TRPS1: variants seen among roughly 807,000 people sequenced by gnomAD.
TRPS1 encodes transcriptional repressor GATA binding 1, also known as zinc finger transcription factor Trps1.
In TRPS1, 6 loss-of-function variants were observed where a neutral mutation model predicts 101.2. The ratio of observed to expected loss-of-function variants is 0.06; its 90% CI spans 0.03 to 0.12. The LOEUF (loss-of-function observed/expected upper bound fraction) is 0.12, where lower values mean the gene tolerates loss of function less well. TRPS1 is among the 10% of genes least tolerant of loss of function. The probability of loss-of-function intolerance (pLI) is 1.00; values close to 1 mark genes in which losing one functional copy is unlikely to be tolerated. For synonymous variants in TRPS1, 578 were observed against 589.8 expected, an observed-to-expected ratio of 0.98 and a Z score of 0.29; for missense variants, 1,363 against 1,567.0, an observed-to-expected ratio of 0.87 and a Z score of 2.20.
chr8:115,658,099 C>T (rs1811715096), intron 1 of TRPS1, among the ~76,000 whole-genome samples: 1 of 152,098 alleles, frequency 6.6e-6, no homozygotes, highest in African/African-American at 2.4e-5. Flanking sequence ...TGCTTGGTCT[C>T]AGCATAATTT....
intron 5 of TRPS1, among the ~76,000 whole-genome samples, chr8:115,529,344 C>G (rs1379565978): frequency 1.3e-5 from 2 of 151,910 alleles, no homozygotes; most frequent in East Asian, 1.9e-4. Context: ...AGAAGCCGAT[C>G]TGAGTCAAAT....
At chr8:115,447,291 C>T (rs1197795766) in intron 5 of TRPS1, among the ~76,000 whole-genome samples, 1 of 152,154 alleles carries the variant, frequency 6.6e-6, no homozygotes, top group Non-Finnish European at 1.5e-5. Context: ...CGGAGTTGCT[C>T]AAATTTGCTA....
intron 4 of TRPS1, among the ~76,000 whole-genome samples, chr8:115,602,713 G>A (rs1395877127): frequency 1.3e-5 from 2 of 152,154 alleles, no homozygotes; most frequent in African/African-American, 4.8e-5. Context: ...ATGGGATGTA[G>A]AAATTGAATA....
intron 4 of TRPS1, among the ~76,000 whole-genome samples, chr8:115,593,321 G>A (rs1445905944): frequency 6.6e-6 from 1 of 152,114 alleles, no homozygotes; most frequent in Admixed American, 6.5e-5. Flanking sequence ...ATTGCCCGCA[G>A]CAATAACACA....
At chr8:115,574,719 T>C (rs1001307511) in intron 5 of TRPS1, among the ~76,000 whole-genome samples, 3 of 144,586 alleles carry the variant, frequency 2.1e-5, no homozygotes, top group African/African-American at 7.9e-5. Context: ...TATTAAGAAA[T>C]GTTTTGAAGG....
intron 1 of TRPS1, among the ~76,000 whole-genome samples, chr8:115,625,478 G>C (rs145579653): frequency 5.3e-5 from 8 of 151,894 alleles, no homozygotes; most frequent in East Asian, 3.9e-4. Flanking sequence ...AACCACCGGC[G>C]CCAAGGGTGG....
rs765104815 is a variant in TRPS1 at position 115,603,977 on chromosome 8, C to T, written c.1992G>A (p.Leu664=). The change falls in exon 4 of 7, where the codon CTG becomes CTA. Residue 664 remains leucine (L), a synonymous_variant. Coordinates refer to ENST00000395715, the MANE Select transcript of TRPS1 (RefSeq NM_014112.5). ...ASDVKQEANH[L]QGSDGQQSVK... ...CAGACTGCTGCCCATCCGATCCTTG[C>T]AGGTGATTTGCTTCTTGTTTGACAT... The T allele has an allele frequency of 6.2e-7, 1 of 1,613,970 alleles. No individual in the cohort carries two copies. Among genetic ancestry groups the T allele is most frequent in the Non-Finnish European group, 8.5e-7 (1 of 1,179,976 alleles).
chr8:115,540,757 G>A (rs1224127382), intron 5 of TRPS1, among the ~76,000 whole-genome samples: 2 of 151,624 alleles, frequency 1.3e-5, no homozygotes, highest in Non-Finnish European at 2.9e-5. Flanking sequence ...ACATAAACTT[G>A]TGCACATAAT....
intron 1 of TRPS1, among the ~76,000 whole-genome samples, chr8:115,649,593 C>G (rs1209141302): frequency 6.6e-6 from 1 of 152,242 alleles, no homozygotes; most frequent in Non-Finnish European, 1.5e-5. Context: ...AGACGAACCT[C>G]TTGGAACGCA....
At chr8:115,555,025 A>G (rs1268922694) in intron 5 of TRPS1, among the ~76,000 whole-genome samples, 1 of 152,176 alleles carries the variant, frequency 6.6e-6, no homozygotes, top group Non-Finnish European at 1.5e-5. Context: ...CTTCCTAGTT[A>G]CTGATACCTT....
In TRPS1 at chr8:115,580,598, T is replaced by A. The variant is rs1298268950; in HGVS notation, c.2700+6403A>T. Among the ~76,000 whole-genome samples, 69 of 152,054 alleles carry A rather than the reference T, an allele frequency of 4.5e-4. 1 individual carries two copies. Among genetic ancestry groups the A allele is most frequent in the Admixed American group, 1.3e-4 (2 of 15,234 alleles). On this transcript the variant is annotated intron_variant, in intron 5 of 6. Coordinates refer to ENST00000395715, the MANE Select transcript of TRPS1 (RefSeq NM_014112.5). ...AAAGAGAAGCCAAGCAAAAGATAGT[T>A]ATATAGGAAATAATGAACAGATACT...
intron 5 of TRPS1, among the ~76,000 whole-genome samples, chr8:115,548,491 C>A (rs1254136405): frequency 6.6e-6 from 1 of 151,954 alleles, no homozygotes; most frequent in Non-Finnish European, 1.5e-5. Context: ...GTGCCCCGCC[C>A]GCCACCACGC....
At chr8:115,533,944 A>T (rs954666320) in intron 5 of TRPS1, among the ~76,000 whole-genome samples, 4 of 152,046 alleles carry the variant, frequency 2.6e-5, no homozygotes, top group Non-Finnish European at 5.9e-5. Context: ...TATGATCTTA[A>T]ACCCTAATTA....
Position 115,418,304 on chromosome 8 carries a change from C to T in TRPS1, c.2823+26G>A. 6.2e-7 allele frequency: 1 copy of T among 1,614,020 alleles called. No homozygotes were observed. The highest frequency in any genetic ancestry group is 1.7e-4 in the Middle Eastern group (1 of 6,060). On this transcript the variant is annotated intron_variant, in intron 6 of 6. Transcript: ENST00000395715. This position sits in a 1 kb window ranked among gnomAD's most constrained non-coding sequence, Gnocchi z 4.3. ...GCCAACACTGCTTTATAAAGCTTTT[C>T]CTGAAAGAGTGGAACAAGTTCTTAC...
chr8:115,513,620 T>C (rs887016003), intron 5 of TRPS1, among the ~76,000 whole-genome samples: 2 of 151,690 alleles, frequency 1.3e-5, no homozygotes, highest in Non-Finnish European at 3.0e-5. Context: ...CATTTACTTA[T>C]TGTGTATGGC....
intron 1 of TRPS1, among the ~76,000 whole-genome samples, chr8:115,656,517 C>A (rs1470580964): frequency 1.3e-5 from 2 of 151,944 alleles, no homozygotes; most frequent in East Asian, 3.9e-4. Flanking sequence ...TCTTTTTCCT[C>A]CCATCAAATT....
chr8:115,551,465 G>A (rs962565208), intron 5 of TRPS1, among the ~76,000 whole-genome samples: 3 of 152,118 alleles, frequency 2.0e-5, no homozygotes, highest in Non-Finnish European at 4.4e-5. Flanking sequence ...ATGTGGTTTA[G>A]TACGTGTTAA....
chr8:115,421,726 T>G (rs1214020557), intron 5 of TRPS1, among the ~76,000 whole-genome samples: 1 of 152,110 alleles, frequency 6.6e-6, no homozygotes, highest in African/African-American at 2.4e-5. Context: ...GCAGAGAAGG[T>G]GGGAGAAGTG....
intron 5 of TRPS1, among the ~76,000 whole-genome samples, chr8:115,534,059 T>C (rs992808794): frequency 6.9e-6 from 1 of 145,510 alleles, no homozygotes; most frequent in Non-Finnish European, 1.5e-5. Flanking sequence ...CCACTGGGGA[T>C]TGAAGATCTA....
Sources: gnomAD v4.1 joint callset for allele counts (sites outside exome capture counted in the v4.1 genomes callset) on GRCh38, gnomAD v4.1.1 for gene constraint, Gnocchi (gnomAD v3.1) non-coding constraint, MANE v1.5 for transcripts, NCBI Gene and HGNC (gene_info 2026-07-23, HGNC 2026-07-21) for gene names.